The following NRG3 variants were observed in gnomAD, a reference collection of about 807,000 sequenced individuals.
NRG3 encodes pro-neuregulin-3, membrane-bound isoform.
NRG3 carries 31 observed loss-of-function variants against 66.9 expected under a neutral mutation model. That is an observed-to-expected ratio of 0.46 (90% CI 0.35 to 0.63). The LOEUF is 0.63. NRG3 is among the 20% of genes least tolerant of loss of function. NRG3 has a pLI of 0.00. For synonymous variants in NRG3, 393 were observed against 359.4 expected (o/e 1.09, Z -1.06); for missense variants, 910 against 878.9 (o/e 1.04, Z -0.45).
chr10:82,528,250 G>A (rs1846915397), intron 2 of NRG3, among the ~76,000 whole-genome samples: 2 of 152,052 alleles, frequency 1.3e-5, no homozygotes, highest in Non-Finnish European at 2.9e-5. Flanking sequence ...GACATGAGGA[G>A]GTATAGCTAA....
chr10:82,710,586 CAAAAA>C (rs59857324), intron 2 of NRG3, among the ~76,000 whole-genome samples: 945 of 73,794 alleles, frequency 0.013, 9 homozygotes, highest in African/African-American at 0.049. Context: ...GACTCCATCT[CAAAAA>C]AAAAAAAAAA....
intron 1 of NRG3, among the ~76,000 whole-genome samples, chr10:81,988,811 A>T (rs1185498052): frequency 2.0e-5 from 3 of 152,088 alleles, no homozygotes; most frequent in African/African-American, 7.2e-5. Flanking sequence ...GCCCACATTA[A>T]GGAATGCAGG....
intron 2 of NRG3, among the ~76,000 whole-genome samples, chr10:82,696,993 T>C (rs933733010): frequency 2.0e-5 from 3 of 152,214 alleles, no homozygotes; most frequent in African/African-American, 4.8e-5. Flanking sequence ...CTTATTCTGC[T>C]AGTTTGTTTA....
At chr10:82,299,836 G>T (rs891323691) in intron 1 of NRG3, among the ~76,000 whole-genome samples, 7 of 152,042 alleles carry the variant, frequency 4.6e-5, no homozygotes, top group African/African-American at 1.7e-4. Context: ...TCCAAGGGAT[G>T]CAAAAAACCA....
At chr10:82,444,304 T>C (rs895548023) in intron 2 of NRG3, among the ~76,000 whole-genome samples, 1 of 152,174 alleles carries the variant, frequency 6.6e-6, no homozygotes, top group Non-Finnish European at 1.5e-5. Flanking sequence ...GGTTTCACCA[T>C]GTTGACCAGG....
At chr10:82,175,015 A>G (rs1055059484) in intron 1 of NRG3, among the ~76,000 whole-genome samples, 1 of 152,088 alleles carries the variant, frequency 6.6e-6, no homozygotes. Context: ...TAATTGTCCT[A>G]CCATACATCC....
chr10:82,178,992 T>C (rs2073229688), intron 1 of NRG3, among the ~76,000 whole-genome samples: 1 of 152,220 alleles, frequency 6.6e-6, no homozygotes, highest in South Asian at 2.1e-4. Flanking sequence ...TGATGATCAA[T>C]GATATTGAAA....
chr10:82,135,905 G>A (rs183153278), intron 1 of NRG3, among the ~76,000 whole-genome samples: 6 of 152,176 alleles, frequency 3.9e-5, no homozygotes, highest in East Asian at 1.9e-4. Context: ...GAGGATATTC[G>A]TCAATGTCTA....
chr10:82,361,916 A>G (rs576837788), intron 2 of NRG3, among the ~76,000 whole-genome samples: 1 of 152,006 alleles, frequency 6.6e-6, no homozygotes, highest in South Asian at 2.1e-4. Context: ...TTAAAATTAT[A>G]TTTCCTAGAT....
At chr10:82,198,002 C>A (rs1346006509) in intron 1 of NRG3, among the ~76,000 whole-genome samples, 1 of 152,062 alleles carries the variant, frequency 6.6e-6, no homozygotes, top group African/African-American at 2.4e-5. Context: ...CATTTAATCA[C>A]AAATTTGTAA....
At chr10:82,290,447 C>T (rs1432343881) in intron 1 of NRG3, among the ~76,000 whole-genome samples, 1 of 152,098 alleles carries the variant, frequency 6.6e-6, no homozygotes, top group African/African-American at 2.4e-5. Context: ...AACACTGAAA[C>T]AATGAACTAA....
At chr10:82,361,389 G>A (rs1424621411) in intron 2 of NRG3, among the ~76,000 whole-genome samples, 2 of 152,278 alleles carry the variant, frequency 1.3e-5, no homozygotes, top group East Asian at 1.9e-4. Context: ...CTACTGGTGT[G>A]TATGAATAAA....
intron 2 of NRG3, among the ~76,000 whole-genome samples, chr10:82,660,479 A>C (rs1001478136): frequency 3.3e-5 from 5 of 152,144 alleles, no homozygotes; most frequent in African/African-American, 1.2e-4. Flanking sequence ...TTTCTTAGGA[A>C]AGTTTGGTGG....
chr10:82,682,338 G>A (rs561333591), intron 2 of NRG3, among the ~76,000 whole-genome samples: 80 of 152,156 alleles, frequency 5.3e-4, no homozygotes, highest in East Asian at 2.7e-3. Context: ...CTTAGATATA[G>A]ATAGATAGAT....
intron 1 of NRG3, among the ~76,000 whole-genome samples, chr10:82,300,739 A>G (rs1360794013): frequency 6.6e-6 from 1 of 152,178 alleles, no homozygotes; most frequent in Non-Finnish European, 1.5e-5. Context: ...TTAGATTCCC[A>G]GTAGGTAGAT....
intron 1 of NRG3, among the ~76,000 whole-genome samples, chr10:81,911,598 G>A (rs1845155937): frequency 1.5e-5 from 2 of 132,128 alleles, no homozygotes; most frequent in South Asian, 5.6e-4. Flanking sequence ...CTCTAGCACA[G>A]ACTTGTTTTT....
Position 81,998,010 on chromosome 10 carries a change from G to C in NRG3, c.823+121847G>C, listed in dbSNP as rs71483381. On this transcript the variant is annotated intron_variant, in intron 1 of 8. Coordinates refer to ENST00000372141, the MANE Select transcript of NRG3 (RefSeq NM_001010848.4). ...GTCTGGGTGATTTGTGAGTCTTCAT[G>C]TGTGATAATGTGTAGCCTCTACTTC... is the stretch of plus-strand genomic sequence containing the variant. Among the ~76,000 whole-genome samples the C allele has an allele frequency of 5.6e-3, 859 of 152,126 alleles. 6 individuals are homozygous for C. Among genetic ancestry groups the C allele is most frequent in the Non-Finnish European group, 0.01 (691 of 68,002 alleles).
intron 2 of NRG3, among the ~76,000 whole-genome samples, chr10:82,503,561 CTG>C (rs1202859062): frequency 6.6e-6 from 1 of 152,124 alleles, no homozygotes; most frequent in Non-Finnish European, 1.5e-5. Flanking sequence ...ATTGTGGGCA[CTG>C]TGGTGAAGAA....
At chr10:82,639,311 C>T (rs1201937356) in intron 2 of NRG3, among the ~76,000 whole-genome samples, 1 of 152,148 alleles carries the variant, frequency 6.6e-6, no homozygotes, top group South Asian at 2.1e-4. Context: ...CCTTGGGCCT[C>T]TTTTATAAGG....
Sources: gnomAD v4.1 joint callset for allele counts (sites outside exome capture counted in the v4.1 genomes callset) on GRCh38, gnomAD v4.1.1 for gene constraint, MANE v1.5 for transcripts, NCBI Gene and HGNC (gene_info 2026-07-23, HGNC 2026-07-21) for gene names.